Variants in RAB30 observed in about 807,000 individuals in gnomAD.
The protein encoded by RAB30 is RAB30, member RAS oncogene family, also known as ras-related protein Rab-30.
Under a neutral mutation model 25.1 loss-of-function variants are expected in RAB30, and 9 were observed. The ratio of observed to expected loss-of-function variants is 0.36; its 90% confidence interval spans 0.22 to 0.63. RAB30 has a LOEUF of 0.63. Ranked by LOEUF, RAB30 falls within the 20% of genes least tolerant of loss-of-function variation. The probability of loss-of-function intolerance (pLI) is 0.69; values close to 1 mark genes in which losing one functional copy is unlikely to be tolerated. For synonymous variants in RAB30, 77 were observed against 86.4 expected (o/e 0.89, Z 0.60); for missense variants, 140 against 243.5 (o/e 0.58, Z 2.83).
At chr11:82,993,122 C>T (rs1342319888) in intron 3 of RAB30, among the ~76,000 whole-genome samples, 1 of 152,236 alleles carries the variant, frequency 6.6e-6, no homozygotes, top group Non-Finnish European at 1.5e-5. Flanking sequence ...TATCCTCCTT[C>T]CAGGTGATTT....
intron 1 of RAB30, among the ~76,000 whole-genome samples, chr11:83,068,996 T>A (rs914118401): frequency 1.3e-5 from 2 of 152,248 alleles, no homozygotes; most frequent in East Asian, 3.8e-4. Flanking sequence ...CAGTGCTTAG[T>A]ACATGGTAGC....
chr11:83,066,991 C>T (rs1372016396), intron 1 of RAB30, among the ~76,000 whole-genome samples: 1 of 152,096 alleles, frequency 6.6e-6, no homozygotes. Flanking sequence ...CTCACTCTAC[C>T]AACATTTAGA....
intron 1 of RAB30, among the ~76,000 whole-genome samples, chr11:83,066,329 T>C (rs1835073567): frequency 6.6e-6 from 1 of 152,240 alleles, no homozygotes; most frequent in South Asian, 2.1e-4. Context: ...AGAATAACTA[T>C]TGTTCACAGT....
chr11:83,064,114 T>A (rs1163575959), intron 1 of RAB30, among the ~76,000 whole-genome samples: 3 of 136,310 alleles, frequency 2.2e-5, no homozygotes, highest in African/African-American at 5.9e-5. Context: ...TAATCTTATG[T>A]TATTTCTTTC....
At chr11:83,014,693 A>AGAAAGAAAGAAAGAAAGAAG (rs1491123798) in intron 1 of RAB30, among the ~76,000 whole-genome samples, 5 of 143,852 alleles carry the variant, frequency 3.5e-5, no homozygotes, top group African/African-American at 1.4e-4. Flanking sequence ...AAAGAAAGAA[A>AGAAAGAAAGAAAGAAAGAAG]GAGAAAGGAA....
In RAB30 at chr11:83,071,788, A is replaced by G. The variant is rs1858853942; in HGVS notation, c.-106T>C. On this transcript the variant is annotated 5_prime_UTR_variant, in exon 1 of 5. Transcript: ENST00000527633. Reference sequence around the variant, plus strand: ...GAAGGTCTGCGATGTCCTGAGTCCAAGGGCTGGAGTCAGTCCCTGCCCTGG... The same window carrying G: ...GAAGGTCTGCGATGTCCTGAGTCCAGGGGCTGGAGTCAGTCCCTGCCCTGG... 4 of 311,246 alleles carry G rather than the reference A, an allele frequency of 1.3e-5. No homozygotes were observed. Among genetic ancestry groups the G allele is most frequent in the Non-Finnish European group, 2.3e-5 (4 of 171,446 alleles). The allele number at this position is 311,246 out of a possible 1,614,324, so 19.3% of individuals were successfully genotyped here.
chr11:82,977,237 G>A lies in RAB30; in HGVS notation c.*4928C>T, dbSNP rs1856560552. 1 of 152,158 alleles carries A rather than the reference G, an allele frequency of 6.6e-6. No individual in the cohort carries two copies. The highest frequency in any genetic ancestry group is 6.5e-5 in the Admixed American group (1 of 15,284). The allele number at this position is 152,158 out of a possible 1,614,324, so 9.4% of individuals were successfully genotyped here. Reference sequence around the variant, plus strand: ...GGACATCAATGAATGGACCGACAAAGCAAGTCCAGCATAGGGCATAATGGA... The same window carrying A: ...GGACATCAATGAATGGACCGACAAAACAAGTCCAGCATAGGGCATAATGGA... On this transcript the variant is annotated 3_prime_UTR_variant, in exon 5 of 5. Transcript: ENST00000527633.
At chr11:83,041,830 C>A (rs530683194) in intron 1 of RAB30, among the ~76,000 whole-genome samples, 1 of 151,918 alleles carries the variant, frequency 6.6e-6, no homozygotes, top group South Asian at 2.1e-4. Context: ...TCACTTGAGG[C>A]TAGAAGTGTG....
In RAB30 at chr11:82,994,046, T is replaced by G; in HGVS notation, c.170A>C (p.Lys57Thr). 1 of 1,607,172 alleles carries G rather than the reference T, an allele frequency of 6.2e-7. No individual in the cohort carries two copies. ...MIKTVEINGE[K>T]VKLQIWDTAG... The stretch of plus-strand genomic sequence containing the variant: ...GAATATTTAGCACCTTACCTTTACT[T>G]TTTCACCATTAATCTCCACTGTCTT... Residue 57 changes from lysine to threonine, a missense_variant, in exon 3 of 5, where the codon AAA (lysine) becomes ACA (threonine). By Grantham distance (78) the Lys-to-Thr change is moderately conservative. Transcript: ENST00000527633.
Position 83,062,906 on chromosome 11 carries a change from G to A in RAB30, c.-9+8785C>T, listed in dbSNP as rs1423238880. Among the ~76,000 whole-genome samples, 3 of 151,784 alleles carry A rather than the reference G, an allele frequency of 2.0e-5. No homozygotes were observed. In the East Asian group the frequency reaches 5.8e-4, roughly 29 times the overall value. On this transcript the variant is annotated intron_variant, in intron 1 of 4. Transcript: ENST00000527633. The stretch of plus-strand genomic sequence containing the variant: ...TAATCCCAGCTGCTCGGTAGGCTGA[G>A]GCAAGAGAATCGCTTGAACCCAGGA...
rs2121422273 is a variant in RAB30, at chr11:82,978,980, G to C, written c.*3185C>G. On this transcript the variant is annotated 3_prime_UTR_variant, in exon 5 of 5. Coordinates refer to ENST00000527633, the MANE Select transcript of RAB30 (RefSeq NM_001286060.2). ...AAACGTGAAATGATTAAAAGACCGA[G>C]AAAAAGAAAGGCCAGGAAGAACCCA... 1 of 152,068 alleles carries C rather than the reference G, an allele frequency of 6.6e-6. No individual in the cohort carries two copies. Among genetic ancestry groups the C allele is most frequent in the African/African-American group, 2.4e-5 (1 of 41,478 alleles). 9.4% of individuals were successfully genotyped at this position (152,068 alleles called of 1,614,324 possible). A position where few individuals can be genotyped will look rare whatever the true frequency, so the allele number is the denominator to read the frequency against.
At chr11:83,032,058 C>T (rs142716759) in intron 1 of RAB30, among the ~76,000 whole-genome samples, 77 of 152,236 alleles carry the variant, frequency 5.1e-4, no homozygotes, top group African/African-American at 1.6e-3. Flanking sequence ...AAGACAGAGC[C>T]GTCCACTCTT....
At chr11:83,011,520 AG>A (rs1857303666) in intron 1 of RAB30, among the ~76,000 whole-genome samples, 1 of 152,218 alleles carries the variant, frequency 6.6e-6, no homozygotes, top group Non-Finnish European at 1.5e-5. Flanking sequence ...CTATTTCAGT[AG>A]CCATAAGCCA....
chr11:82,984,933 G>A (rs1459003271), intron 4 of RAB30, among the ~76,000 whole-genome samples: 1 of 152,186 alleles, frequency 6.6e-6, no homozygotes, highest in East Asian at 1.9e-4. Context: ...AACAATGGGA[G>A]CATCAATAAT....
chr11:83,022,345 G>T (rs1405101328), intron 1 of RAB30, among the ~76,000 whole-genome samples: 1 of 152,142 alleles, frequency 6.6e-6, no homozygotes, highest in Non-Finnish European at 1.5e-5. Context: ...TTTTTCTGGA[G>T]ACATGGTCTC....
intron 1 of RAB30, among the ~76,000 whole-genome samples, chr11:83,056,399 T>C (rs988316819): frequency 2.6e-5 from 4 of 152,202 alleles, no homozygotes; most frequent in African/African-American, 4.8e-5. Context: ...TGTATGTAAA[T>C]ACCACATTTT....
intron 1 of RAB30, among the ~76,000 whole-genome samples, chr11:83,031,075 G>A (rs207472083): frequency 6.6e-6 from 1 of 152,222 alleles, no homozygotes; most frequent in Admixed American, 6.5e-5. Context: ...GGTGGAAAGA[G>A]GGCAGCCATC....
chr11:83,047,588 A>G (rs1479845701), intron 1 of RAB30, among the ~76,000 whole-genome samples: 2 of 152,216 alleles, frequency 1.3e-5, no homozygotes, highest in South Asian at 2.1e-4. Context: ...CCTATTAACA[A>G]TAATAGAAGA....
Position 83,068,107 on chromosome 11 carries a change from G to A in RAB30, c.-9+3584C>T, listed in dbSNP as rs990182204. On this transcript the variant is annotated intron_variant, in intron 1 of 4. Coordinates refer to ENST00000527633, the MANE Select transcript of RAB30 (RefSeq NM_001286060.2). ...CCACTGCACTTCAGCCTGGGCGACAGAGTGAGACTCTGTCTCAAAAAAAAA... is the reference window on the plus strand; with the variant it reads ...CCACTGCACTTCAGCCTGGGCGACAAAGTGAGACTCTGTCTCAAAAAAAAA... Among the ~76,000 whole-genome samples the A allele has an allele frequency of 5.7e-5, 8 of 140,574 alleles. No homozygotes were observed. In the Admixed American group the frequency reaches 5.9e-4, roughly 10 times the overall value. 92.2% of individuals were successfully genotyped at this position (140,574 alleles called of 152,430 possible).
Sources: allele counts gnomAD v4.1 joint callset (sites outside exome capture counted in the v4.1 genomes callset), GRCh38; gene constraint gnomAD v4.1.1; transcripts MANE v1.5; gene names NCBI Gene and HGNC (gene_info 2026-07-23, HGNC 2026-07-21).